Variants in NRARP observed in about 807,000 individuals in gnomAD.
NRARP encodes the protein notch-regulated ankyrin repeat-containing protein.
For missense variants in NRARP, 83 were observed against 161.1 expected (o/e 0.52, Z 2.62); for synonymous variants, 81 against 77.4 (o/e 1.05, Z -0.25).
chr9:137,301,354 G>C lies in NRARP; in HGVS notation c.*230C>G, dbSNP rs1395484900. ...CGCGAGGCGGCGGGCAGGCGAGCGG[G>C]TGGGGGCCGTGGGAAGCTGCTCCGG... is the stretch of plus-strand genomic sequence containing the variant. On this transcript the variant is annotated 3_prime_UTR_variant, in exon 1 of 1. Transcript: ENST00000356628. The surrounding 1 kb of genome is among the most constrained non-coding windows in gnomAD (Gnocchi z 9.1). 1 of 193,946 alleles carries C rather than the reference G, an allele frequency of 5.2e-6. No individual in the cohort carries two copies. Among genetic ancestry groups the C allele is most frequent in the Non-Finnish European group, 1.0e-5 (1 of 96,156 alleles). The allele number at this position is 193,946 out of a possible 1,614,324, so 12.0% of individuals were successfully genotyped here.
chr9:137,300,728 G>C lies in NRARP; in HGVS notation c.*856C>G, dbSNP rs1020109289. On this transcript the variant is annotated 3_prime_UTR_variant, in exon 1 of 1. Coordinates refer to ENST00000356628, the MANE Select transcript of NRARP (RefSeq NM_001004354.3). The stretch of plus-strand genomic sequence containing the variant: ...CCTCATCCAGGAGGGGCGGGGGAGA[G>C]AGGCCCTGGGGCTTCCAAAACTCAC... 2 of 151,426 alleles carry C rather than the reference G, an allele frequency of 1.3e-5. No individual in the cohort carries two copies. Among genetic ancestry groups the C allele is most frequent in the Non-Finnish European group, 2.9e-5 (2 of 67,910 alleles). The allele number at this position is 151,426 out of a possible 1,614,324, so 9.4% of individuals were successfully genotyped here.
chr9:137,301,791 C>T lies in NRARP; in HGVS notation c.138G>A (p.Ser46=). Residue 46 remains serine, a synonymous_variant, in exon 1 of 1, where the codon TCG becomes TCA. Coordinates refer to ENST00000356628, the MANE Select transcript of NRARP (RefSeq NM_001004354.3). This position sits in a 1 kb window ranked among gnomAD's most constrained non-coding sequence, Gnocchi z 9.1. ...NMTNCEFNVN[S]FGPEGQTALH... ...GCGCCGTCTGGCCCTCGGGCCCGAA[C>T]GAGTTCACGTTGAACTCGCAGTTGG... The T allele has an allele frequency of 1.2e-6, 2 of 1,608,518 alleles. No individual in the cohort carries two copies. The highest frequency in any genetic ancestry group is 1.7e-6 in the Non-Finnish European group (2 of 1,179,620).
rs1457964797 is a variant in NRARP, at chr9:137,302,172, GC to G, written c.-245del. ...CGCGCGCTCGGCTCGCGGGGGCCGG[GC>G]CCGGCCGGGGACGGCGGCGCCGCGC... On this transcript the variant is annotated 5_prime_UTR_variant, in exon 1 of 1. Transcript: ENST00000356628. The surrounding 1 kb of genome is among the most constrained non-coding windows in gnomAD (Gnocchi z 4.8). 2.1e-5 allele frequency: 3 copies of G among 145,884 alleles called. No individual in the cohort carries two copies. The highest frequency in any genetic ancestry group is 2.0e-4 in the East Asian group (1 of 5,044). The allele number at this position is 145,884 out of a possible 1,614,324, so 9.0% of individuals were successfully genotyped here.
rs773146548 is a variant in NRARP, at chr9:137,301,773, C to G, written c.156G>C (p.Gln52His). 1.2e-6 allele frequency: 2 copies of G among 1,610,086 alleles called. No individual in the cohort carries two copies. Among genetic ancestry groups the G allele is most frequent in the East Asian group, 2.2e-5 (1 of 44,824 alleles). ...FNVNSFGPEGQTALHQSVIDG... is the reference protein window; with the variant it reads ...FNVNSFGPEGHTALHQSVIDG... ...CGATGACCGACTGGTGCAGCGCCGT[C>G]TGGCCCTCGGGCCCGAACGAGTTCA... Residue 52 changes from glutamine to histidine, a missense_variant, in exon 1 of 1, where the codon CAG (glutamine) becomes CAC (histidine). Transcript: ENST00000356628. This position sits in a 1 kb window ranked among gnomAD's most constrained non-coding sequence, Gnocchi z 9.1.
At position 137,301,303 on chromosome 9, in the gene NRARP, G is replaced by A. The variant is rs1004065560; in HGVS notation, c.*281C>T. 1.3e-5 allele frequency: 2 copies of A among 156,604 alleles called. No homozygotes were observed. Among genetic ancestry groups the A allele is most frequent in the African/African-American group, 2.4e-5 (1 of 41,524 alleles). 9.7% of individuals were successfully genotyped at this position (156,604 alleles called of 1,614,324 possible). A position where few individuals can be genotyped will look rare whatever the true frequency, so the allele number is the denominator to read the frequency against. ...TTGCGAGACTCAAATTTCAAAAGGGGCTGGAGCCCGCGCCCCGCCCCCACC... is the reference window on the plus strand; with the variant it reads ...TTGCGAGACTCAAATTTCAAAAGGGACTGGAGCCCGCGCCCCGCCCCCACC... On this transcript the variant is annotated 3_prime_UTR_variant, in exon 1 of 1. Transcript: ENST00000356628. The surrounding 1 kb of genome is among the most constrained non-coding windows in gnomAD (Gnocchi z 9.1).
rs1021843322 is a variant in NRARP at position 137,302,011 on chromosome 9, G to T, written c.-83C>A. 1.4e-5 allele frequency: 7 copies of T among 508,502 alleles called. No individual in the cohort carries two copies. The highest frequency in any genetic ancestry group is 1.3e-4 in the African/African-American group (6 of 47,548). 31.5% of individuals were successfully genotyped at this position (508,502 alleles called of 1,614,324 possible). On this transcript the variant is annotated 5_prime_UTR_variant, in exon 1 of 1. Transcript: ENST00000356628. The surrounding 1 kb of genome is among the most constrained non-coding windows in gnomAD (Gnocchi z 4.8). Reference sequence around the variant, plus strand: ...GGCGCGGGCCCCCGGCTGTCTCGGGGCGCGCCTCGGCGCATGGAGGGCGCG... The same window carrying T: ...GGCGCGGGCCCCCGGCTGTCTCGGGTCGCGCCTCGGCGCATGGAGGGCGCG...
At position 137,300,475 on chromosome 9, in the gene NRARP, C is replaced by T. The variant is rs555690616; in HGVS notation, c.*1109G>A. 2 of 152,384 alleles carry T rather than the reference C, an allele frequency of 1.3e-5. No homozygotes were observed. Among genetic ancestry groups the T allele is most frequent in the East Asian group, 3.9e-4 (2 of 5,192 alleles). 9.4% of individuals were successfully genotyped at this position (152,384 alleles called of 1,614,324 possible). On this transcript the variant is annotated 3_prime_UTR_variant, in exon 1 of 1. Transcript: ENST00000356628. ...TTCAAAAAATACACCTAAAACTTGG[C>T]TTAAAATATGTTAATATTTTATATT...
rs764680226 is a variant in NRARP at position 137,301,939 on chromosome 9, GGCGCGGGCCGCGGGCCGGGCCGGGGCTCA to G, written c.-40_-12del. On this transcript the variant is annotated 5_prime_UTR_variant, in exon 1 of 1. The change abolishes the stop of an existing upstream ORF in the 5' untranslated region. Transcript: ENST00000356628. The surrounding 1 kb of genome is among the most constrained non-coding windows in gnomAD (Gnocchi z 9.1). ...CTCGGCCTGGCTCATGCTGCCGCCG[GGCGCGGGCCGCGGGCCGGGCCGGGGCTCA>G]GCGCGGGCGGCGGCTGCGGCGCGGG... 7.6e-7 allele frequency: 1 copy of G among 1,318,170 alleles called. No individual in the cohort carries two copies. Among genetic ancestry groups the G allele is most frequent in the Non-Finnish European group, 9.7e-7 (1 of 1,026,604 alleles). The allele number at this position is 1,318,170 out of a possible 1,614,324, so 81.7% of individuals were successfully genotyped here.
chr9:137,301,888 G>C lies in NRARP; in HGVS notation c.41C>G (p.Thr14Arg). The C allele has an allele frequency of 6.4e-7, 1 of 1,570,034 alleles. No individual in the cohort carries two copies. Among genetic ancestry groups the C allele is most frequent in the Non-Finnish European group, 8.6e-7 (1 of 1,160,958 alleles). Residue 14 changes from threonine to arginine, a missense_variant, in exon 1 of 1, where the codon ACG becomes AGG. Coordinates refer to ENST00000356628, the MANE Select transcript of NRARP (RefSeq NM_001004354.3). The surrounding 1 kb of genome is among the most constrained non-coding windows in gnomAD (Gnocchi z 9.1). ...CACAGCCTCCTGGAAGATGCGCTGC[G>C]TCTGCGGCGCGGAGCAGGTGGACAG... Reference protein sequence around the residue: ...AELSTCSAPQTQRIFQEAVRK... With the variant: ...AELSTCSAPQRQRIFQEAVRK...
rs1473572980 is a variant in NRARP, at chr9:137,300,896, T to G, written c.*688A>C. The G allele has an allele frequency of 6.6e-6, 1 of 152,274 alleles. No homozygotes were observed. The highest frequency in any genetic ancestry group is 2.4e-5 in the African/African-American group (1 of 41,390). The allele number at this position is 152,274 out of a possible 1,614,324, so 9.4% of individuals were successfully genotyped here. On this transcript the variant is annotated 3_prime_UTR_variant, in exon 1 of 1. Coordinates refer to ENST00000356628, the MANE Select transcript of NRARP (RefSeq NM_001004354.3). Reference sequence around the variant, plus strand: ...TCAGTGCAACCAAGAAATGGTAGACTCAAGTTTTTAGTTTTAAGACTAGAA... The same window carrying G: ...TCAGTGCAACCAAGAAATGGTAGACGCAAGTTTTTAGTTTTAAGACTAGAA...
At position 137,301,934 on chromosome 9, in the gene NRARP, CGCCGGGCGCGGGCCGCGG is replaced by C. The variant is rs759026793; in HGVS notation, c.-24_-7del. The C allele has an allele frequency of 7.5e-7, 1 of 1,326,782 alleles. No homozygotes were observed. The allele number at this position is 1,326,782 out of a possible 1,614,324, so 82.2% of individuals were successfully genotyped here. A position where few individuals can be genotyped will look rare whatever the true frequency, so the allele number is the denominator to read the frequency against. On this transcript the variant is annotated 5_prime_UTR_variant, in exon 1 of 1. Coordinates refer to ENST00000356628, the MANE Select transcript of NRARP (RefSeq NM_001004354.3). The surrounding 1 kb of genome is among the most constrained non-coding windows in gnomAD (Gnocchi z 9.1). ...GACAGCTCGGCCTGGCTCATGCTGC[CGCCGGGCGCGGGCCGCGG>C]GCCGGGCCGGGGCTCAGCGCGGGCG...
In NRARP at chr9:137,301,713, C is replaced by G. The variant is rs1237596513; in HGVS notation, c.216G>C (p.Lys72Asn). The stretch of plus-strand genomic sequence containing the variant: ...TGGCCAGGCGGATGTCGGCGCCGAA[C>G]TTGACCAGCAGCTTCACGAGCTCCA... The part of the protein sequence containing the change: ...GNLELVKLLV[K>N]FGADIRLANR... The change falls in exon 1 of 1, where the codon AAG (lysine) becomes AAC (asparagine). Residue 72 changes from lysine (K) to asparagine (N), a missense_variant. Lys to Asn is a moderately conservative substitution (Grantham distance 94). Transcript: ENST00000356628. The surrounding 1 kb of genome is among the most constrained non-coding windows in gnomAD (Gnocchi z 9.1). The G allele has an allele frequency of 6.2e-7, 1 of 1,611,538 alleles. No homozygotes were observed. Among genetic ancestry groups the G allele is most frequent in the South Asian group, 1.1e-5 (1 of 90,980 alleles).
Position 137,301,568 on chromosome 9 carries a change from G to T in NRARP, c.*16C>A. ...CGACGCGGGCGCAGGGCCGGGGTCC[G>T]GGGTCCCGGCGGGCATCACCGGCCG... On this transcript the variant is annotated 3_prime_UTR_variant, in exon 1 of 1. Transcript: ENST00000356628. The surrounding 1 kb of genome is among the most constrained non-coding windows in gnomAD (Gnocchi z 9.1). 6.5e-7 allele frequency: 1 copy of T among 1,538,200 alleles called. No homozygotes were observed. The highest frequency in any genetic ancestry group is 2.3e-5 in the East Asian group (1 of 42,904).
In NRARP at chr9:137,301,412, G is replaced by C; in HGVS notation, c.*172C>G. 1 of 362,034 alleles carries C rather than the reference G, an allele frequency of 2.8e-6. No homozygotes were observed. The highest frequency in any genetic ancestry group is 2.1e-5 in the African/African-American group (1 of 46,546). The allele number at this position is 362,034 out of a possible 1,614,324, so 22.4% of individuals were successfully genotyped here. A position where few individuals can be genotyped will look rare whatever the true frequency, so the allele number is the denominator to read the frequency against. ...GGGCCCGGCTAGGCCGCAGGGAGGC[G>C]CTCGGCCGGCGGGGCTGCCGGACCC... On this transcript the variant is annotated 3_prime_UTR_variant, in exon 1 of 1. Transcript: ENST00000356628. This position sits in a 1 kb window ranked among gnomAD's most constrained non-coding sequence, Gnocchi z 9.1.
rs183516041 is a variant in NRARP at position 137,300,320 on chromosome 9, A to G, written c.*1264T>C. Among the ~76,000 whole-genome samples the G allele has an allele frequency of 1.2e-4, 18 of 152,314 alleles. No individual in the cohort carries two copies. The highest frequency in any genetic ancestry group is 4.1e-4 in the African/African-American group (17 of 41,556). ...TAAAAAGGGGCAAAACGATCCTTCA[A>G]TTAACTCAGCCATTAGCACAAGAGA... On this transcript the variant is annotated 3_prime_UTR_variant, in exon 1 of 1. Coordinates refer to ENST00000356628, the MANE Select transcript of NRARP (RefSeq NM_001004354.3).
rs1253274050 is a variant in NRARP at position 137,301,462 on chromosome 9, T to C, written c.*122A>G. The stretch of plus-strand genomic sequence containing the variant: ...CTGGGGCCGGGACGCACGCGCCGTA[T>C]TCGCCGTGGCCACGGGCCTTCTGGC... On this transcript the variant is annotated 3_prime_UTR_variant, in exon 1 of 1. Coordinates refer to ENST00000356628, the MANE Select transcript of NRARP (RefSeq NM_001004354.3). The surrounding 1 kb of genome is among the most constrained non-coding windows in gnomAD (Gnocchi z 9.1). 4.9e-6 allele frequency: 3 copies of C among 616,962 alleles called. No homozygotes were observed. Among genetic ancestry groups the C allele is most frequent in the Non-Finnish European group, 7.6e-6 (3 of 394,726 alleles). The allele number at this position is 616,962 out of a possible 1,614,324, so 38.2% of individuals were successfully genotyped here. A position where few individuals can be genotyped will look rare whatever the true frequency, so the allele number is the denominator to read the frequency against.
rs1441012196 is a variant in NRARP at position 137,301,944 on chromosome 9, G to T, written c.-16C>A. The stretch of plus-strand genomic sequence containing the variant: ...CCTGGCTCATGCTGCCGCCGGGCGC[G>T]GGCCGCGGGCCGGGCCGGGGCTCAG... On this transcript the variant is annotated 5_prime_UTR_variant, in exon 1 of 1. Coordinates refer to ENST00000356628, the MANE Select transcript of NRARP (RefSeq NM_001004354.3). The surrounding 1 kb of genome is among the most constrained non-coding windows in gnomAD (Gnocchi z 9.1). 2 of 1,278,192 alleles carry T rather than the reference G, an allele frequency of 1.6e-6. No homozygotes were observed. Among genetic ancestry groups the T allele is most frequent in the African/African-American group, 1.5e-5 (1 of 65,232 alleles). 79.2% of individuals were successfully genotyped at this position (1,278,192 alleles called of 1,614,324 possible).
rs941631636 is a variant in NRARP at position 137,300,456 on chromosome 9, A to G, written c.*1128T>C. 2.0e-5 allele frequency: 3 copies of G among 152,300 alleles called. No homozygotes were observed. The highest frequency in any genetic ancestry group is 7.2e-5 in the African/African-American group (3 of 41,428). 9.4% of individuals were successfully genotyped at this position (152,300 alleles called of 1,614,324 possible). On this transcript the variant is annotated 3_prime_UTR_variant, in exon 1 of 1. Transcript: ENST00000356628. Reference sequence around the variant, plus strand: ...ATTGGGTTTATAACCAAGATTCAAAAAATACACCTAAAACTTGGCTTAAAA... The same window carrying G: ...ATTGGGTTTATAACCAAGATTCAAAGAATACACCTAAAACTTGGCTTAAAA...
Position 137,301,512 on chromosome 9 carries a change from C to A in NRARP, c.*72G>T, listed in dbSNP as rs1588202419. The A allele has an allele frequency of 3.8e-6, 4 of 1,059,522 alleles. No homozygotes were observed. Among genetic ancestry groups the A allele is most frequent in the Non-Finnish European group, 5.2e-6 (4 of 765,192 alleles). 65.6% of individuals were successfully genotyped at this position (1,059,522 alleles called of 1,614,324 possible). ...CGGGGCCTGCGAGCCGGGCGCGCAC[C>A]GAGGTAGTTGGCGGGAAGGTACAGC... On this transcript the variant is annotated 3_prime_UTR_variant, in exon 1 of 1. Transcript: ENST00000356628. This position sits in a 1 kb window ranked among gnomAD's most constrained non-coding sequence, Gnocchi z 9.1.
Sources: gnomAD v4.1 joint callset for allele counts (sites outside exome capture counted in the v4.1 genomes callset) on GRCh38, gnomAD v4.1.1 for gene constraint, Gnocchi (gnomAD v3.1) non-coding constraint, MANE v1.5 for transcripts, NCBI Gene and HGNC (gene_info 2026-07-23, HGNC 2026-07-21) for gene names.